GUCY2F: variants seen among roughly 807,000 people sequenced by gnomAD.
GUCY2F encodes the protein guanylate cyclase 2F, retinal.
Under a neutral mutation model 73.1 loss-of-function variants are expected in GUCY2F, and 61 were observed. That is an observed-to-expected ratio of 0.83 (90% confidence interval 0.68 to 1.03). GUCY2F has a LOEUF of 1.03. Among genes scored for constraint, GUCY2F ranks in the 50% least tolerant of loss-of-function variants. GUCY2F has a pLI of 0.00. For missense variants in GUCY2F, 912 were observed against 854.3 expected (o/e 1.07, Z -0.84); for synonymous variants, 331 against 307.8 (o/e 1.08, Z -0.79).
At chrX:109,404,686 A>T (rs1930934744) in intron 9 of GUCY2F, among the ~76,000 whole-genome samples, 1 of 112,248 alleles carries the variant, frequency 8.9e-6, no homozygotes, top group African/African-American at 3.2e-5. Flanking sequence ...TGCTTTGATA[A>T]AGAATGTTAT....
chrX:109,424,590 G>T (rs971701488), intron 8 of GUCY2F, among the ~76,000 whole-genome samples: 1 of 111,053 alleles, frequency 9.0e-6, no homozygotes, highest in African/African-American at 3.3e-5. Context: ...TGATGTGTCA[G>T]TGTAAGTTCA....
intron 3 of GUCY2F, among the ~76,000 whole-genome samples, chrX:109,460,960 C>G (rs940062477): frequency 9.0e-6 from 1 of 111,362 alleles, no homozygotes; most frequent in Non-Finnish European, 1.9e-5. Context: ...TTATTAACCC[C>G]GGTAAAAATG....
intron 3 of GUCY2F, among the ~76,000 whole-genome samples, chrX:109,463,672 C>T (rs1180745759): frequency 9.0e-6 from 1 of 110,883 alleles, no homozygotes; most frequent in Non-Finnish European, 1.9e-5. Context: ...CTCCTGACCT[C>T]GTGATCCACC....
chrX:109,398,652 G>T lies in GUCY2F; in HGVS notation c.2172C>A (p.Ser724Arg). 8.3e-7 allele frequency: 1 copy of T among 1,209,327 alleles called. No individual in the cohort carries two copies. The highest frequency in any genetic ancestry group is 1.1e-6 in the Non-Finnish European group (1 of 893,351). ...CATCTCCTGCAAAAGAACCTAACCTGCTGCCTCTTGGAGCTCTCAACAGTT... is the reference window on the plus strand; with the variant it reads ...CATCTCCTGCAAAAGAACCTAACCTTCTGCCTCTTGGAGCTCTCAACAGTT... ...APELLRAPRG[S>R]RLGSFAGDVY... The change falls in exon 11 of 20, where the codon AGC (serine) becomes AGA (arginine). Residue 724 changes from serine to arginine, a missense_variant. Physicochemically the swap from Ser to Arg is moderately radical, Grantham distance 110. Coordinates refer to ENST00000218006, the MANE Select transcript of GUCY2F (RefSeq NM_001522.3).
chrX:109,442,372 G>A (rs977383976), intron 6 of GUCY2F, among the ~76,000 whole-genome samples: 6 of 111,029 alleles, frequency 5.4e-5, no homozygotes, highest in African/African-American at 2.0e-4. Context: ...GTCTAGGAGT[G>A]CCCCTACCCT....
chrX:109,454,625 T>C (rs1331378597), intron 3 of GUCY2F, among the ~76,000 whole-genome samples: 2 of 112,275 alleles, frequency 1.8e-5, no homozygotes, highest in Non-Finnish European at 3.8e-5. Context: ...TAAATAAATA[T>C]GGTAAAAGCA....
In GUCY2F at chrX:109,475,672, A is replaced by T; in HGVS notation, c.265T>A (p.Phe89Ile). 8.3e-7 allele frequency: 1 copy of T among 1,211,113 alleles called. No individual in the cohort carries two copies. Among genetic ancestry groups the T allele is most frequent in the Non-Finnish European group, 1.1e-6 (1 of 895,072 alleles). The change falls in exon 2 of 20, where the codon TTT becomes ATT. Residue 89 changes from phenylalanine (F) to isoleucine (I), a missense_variant. Transcript: ENST00000218006. ...TATTCAAAAGAATAACTCAGGTCAAAAGATGGGTCCCGGTTGATTCGCTCA... is the reference window on the plus strand; with the variant it reads ...TATTCAAAAGAATAACTCAGGTCAATAGATGGGTCCCGGTTGATTCGCTCA... ...AIERINRDPSFDLSYSFEYVI... is the reference protein window; with the variant it reads ...AIERINRDPSIDLSYSFEYVI...
At chrX:109,392,541 G>A (rs1320605509) in intron 13 of GUCY2F, among the ~76,000 whole-genome samples, 2 of 112,499 alleles carry the variant, frequency 1.8e-5, no homozygotes, top group African/African-American at 6.5e-5. Flanking sequence ...AGAGAGGAAA[G>A]ACCTGGAAAA....
intron 1 of GUCY2F, among the ~76,000 whole-genome samples, chrX:109,477,502 G>A (rs1196377912): frequency 1.8e-5 from 2 of 112,069 alleles, no homozygotes; most frequent in Non-Finnish European, 3.8e-5. Context: ...ATAGAAAGCT[G>A]AATAAGAGTT....
intron 10 of GUCY2F, among the ~76,000 whole-genome samples, chrX:109,400,543 G>A (rs1311033337): frequency 1.8e-5 from 2 of 111,962 alleles, no homozygotes; most frequent in Admixed American, 1.9e-4. Context: ...CCAGGAAAGA[G>A]AAATCCACCA....
chrX:109,456,076 C>T (rs942534694), intron 3 of GUCY2F, among the ~76,000 whole-genome samples: 2 of 112,240 alleles, frequency 1.8e-5, no homozygotes, highest in Admixed American at 1.9e-4. Context: ...CTTCCTTCAT[C>T]ACCCTGTCTC....
At chrX:109,399,461 A>G (rs968002331) in intron 10 of GUCY2F, among the ~76,000 whole-genome samples, 3 of 112,825 alleles carry the variant, frequency 2.7e-5, no homozygotes, top group African/African-American at 9.7e-5. Context: ...AGGCCCCGTC[A>G]GGGACAAAAC....
intron 10 of GUCY2F, among the ~76,000 whole-genome samples, chrX:109,399,121 A>G (rs1370379227): frequency 8.9e-6 from 1 of 112,512 alleles, no homozygotes; most frequent in Non-Finnish European, 1.9e-5. Flanking sequence ...TAAGAGATTC[A>G]CAAGTTGCTT....
intron 2 of GUCY2F, among the ~76,000 whole-genome samples, chrX:109,474,686 G>C (rs1383968780): frequency 8.9e-6 from 1 of 112,017 alleles, no homozygotes; most frequent in Non-Finnish European, 1.9e-5. Flanking sequence ...GCCCTGCTTT[G>C]AGAAAAGGCA....
chrX:109,401,369 C>T (rs979511016), intron 10 of GUCY2F, among the ~76,000 whole-genome samples: 2 of 111,873 alleles, frequency 1.8e-5, no homozygotes, highest in Non-Finnish European at 3.8e-5. Context: ...AGTCTAGAGA[C>T]CCGGGTTCAA....
intron 17 of GUCY2F, among the ~76,000 whole-genome samples, chrX:109,378,093 A>T (rs1930218536): frequency 8.9e-6 from 1 of 111,821 alleles, no homozygotes; most frequent in South Asian, 3.8e-4. Context: ...GCAGTCCTAG[A>T]GATCCCCCAT....
At position 109,465,142 on chromosome X, in the gene GUCY2F, T is replaced by C; in HGVS notation, c.1032A>G (p.Gln344=). Reference sequence around the variant, plus strand: ...TGACAACCTATGAATGTGTACTTACTTGATCGAACTCCAGCTTCTCAGGAA... The same window carrying C: ...TGACAACCTATGAATGTGTACTTACCTGATCGAACTCCAGCTTCTCAGGAA... The part of the protein sequence containing the change: ...GEIPEKLEFD[Q]VSPLFGTIYN... The change falls in exon 3 of 20, where the codon CAA becomes CAG. Residue 344 remains glutamine (Q), a splice_region_variant and synonymous_variant. Coordinates refer to ENST00000218006, the MANE Select transcript of GUCY2F (RefSeq NM_001522.3). 1 of 1,197,632 alleles carries C rather than the reference T, an allele frequency of 8.3e-7. No homozygotes were observed. Among genetic ancestry groups the C allele is most frequent in the Non-Finnish European group, 1.1e-6 (1 of 883,130 alleles).
At chrX:109,384,042 T>TTA (rs1491146484) in intron 16 of GUCY2F, among the ~76,000 whole-genome samples, 35 of 112,854 alleles carry the variant, frequency 3.1e-4, no homozygotes, top group Admixed American at 3.0e-3. Flanking sequence ...GTTTGAAGAC[T>TTA]TTCCCAGATG....
chrX:109,436,654 A>G (rs1414822074), intron 7 of GUCY2F, among the ~76,000 whole-genome samples: 1 of 111,278 alleles, frequency 9.0e-6, no homozygotes, highest in Non-Finnish European at 1.9e-5. Flanking sequence ...ATGAAATTGG[A>G]AATCATCGTT....
Sources: gnomAD v4.1 joint callset for allele counts (sites outside exome capture counted in the v4.1 genomes callset) on GRCh38, gnomAD v4.1.1 for gene constraint, MANE v1.5 for transcripts, NCBI Gene and HGNC (gene_info 2026-07-23, HGNC 2026-07-21) for gene names.